The following SLC9D1 variants were observed in gnomAD, a reference collection of about 807,000 sequenced individuals.
The protein encoded by SLC9D1 is solute carrier family 9 member D1.
At chr13:113,506,093 CCTTGCCGTTA>C in the SLC9D1 span, 1 of 171,510 alleles carries the variant, frequency 5.8e-6, no homozygotes, top group Non-Finnish European at 1.3e-5. Context: ...GCTGTGTCAT[CCTTGCCGTTA>C]ATCCTGTGGA....
chr13:113,532,154 A>G, the SLC9D1 span, among the ~76,000 whole-genome samples: 1 of 152,202 alleles, frequency 6.6e-6, no homozygotes, highest in Non-Finnish European at 1.5e-5. Flanking sequence ...TCAGCAGAGG[A>G]CGTTCCCCAT....
chr13:113,519,321 C>T, the SLC9D1 span, among the ~76,000 whole-genome samples: 3 of 150,762 alleles, frequency 2.0e-5, no homozygotes, highest in African/African-American at 7.3e-5. Context: ...GCTGGGATTA[C>T]AGGCGTGAGC....
At chr13:113,537,375 C>T in the SLC9D1 span, among the ~76,000 whole-genome samples, 2 of 152,230 alleles carry the variant, frequency 1.3e-5, no homozygotes, top group African/African-American at 2.4e-5. Flanking sequence ...CCCCGTGGGC[C>T]GCTGCTTCTG....
the SLC9D1 span, among the ~76,000 whole-genome samples, chr13:113,496,579 A>G: frequency 6.6e-6 from 1 of 152,244 alleles, no homozygotes; most frequent in Non-Finnish European, 1.5e-5. Flanking sequence ...TTAGCTGTTT[A>G]CATTTTTTAA....
chr13:113,497,598 A>AGACCTGCAGCTGTGTGT, the SLC9D1 span, among the ~76,000 whole-genome samples: 1 of 146,536 alleles, frequency 6.8e-6, no homozygotes. Flanking sequence ...CAGCTGTGTG[A>AGACCTGCAGCTGTGTGT]GACCTACAGC....
chr13:113,539,310 TG>T, the SLC9D1 span: 2 of 1,593,580 alleles, frequency 1.3e-6, no homozygotes, highest in Non-Finnish European at 1.7e-6. This position sits in a 1 kb window ranked among gnomAD's most constrained non-coding sequence, Gnocchi z 4.8. Flanking sequence ...GGGGTGACCC[TG>T]GTGCACTGTG....
At chr13:113,505,213 C>G in the SLC9D1 span, 2 of 151,992 alleles carry the variant, frequency 1.3e-5, no homozygotes, top group Non-Finnish European at 2.9e-5. Context: ...AGTCCTTTGT[C>G]GGATGTATAG....
At chr13:113,525,808 C>T in the SLC9D1 span, among the ~76,000 whole-genome samples, 159 of 148,936 alleles carry the variant, frequency 1.1e-3, 1 homozygote, top group African/African-American at 3.6e-3. Context: ...AACAAGCCAT[C>T]GTCGTCGTAG....
the SLC9D1 span, among the ~76,000 whole-genome samples, chr13:113,503,207 C>A: frequency 1.3e-5 from 2 of 152,292 alleles, no homozygotes; most frequent in East Asian, 1.9e-4. Context: ...ACACATACAA[C>A]TGGATGCTGT....
At chr13:113,534,342 A>G in the SLC9D1 span, 21 of 981,288 alleles carry the variant, frequency 2.1e-5, no homozygotes, top group East Asian at 5.1e-5. Flanking sequence ...TAATGGTTAA[A>G]ATATTTGAAA....
chr13:113,543,992 G>A, the SLC9D1 span, among the ~76,000 whole-genome samples: 1 of 152,244 alleles, frequency 6.6e-6, no homozygotes, highest in Non-Finnish European at 1.5e-5. Context: ...TTGTTCTGGA[G>A]TCCAGGCAGC....
At chr13:113,517,627 T>C in the SLC9D1 span, among the ~76,000 whole-genome samples, 1 of 152,108 alleles carries the variant, frequency 6.6e-6, no homozygotes, top group Non-Finnish European at 1.5e-5. Flanking sequence ...TGCATCAACA[T>C]GGATAATTTG....
At chr13:113,531,071 C>T in the SLC9D1 span, among the ~76,000 whole-genome samples, 1 of 152,216 alleles carries the variant, frequency 6.6e-6, no homozygotes, top group South Asian at 2.1e-4. Flanking sequence ...TAGTGGGAGG[C>T]ACCCGGCTCC....
the SLC9D1 span, among the ~76,000 whole-genome samples, chr13:113,519,681 A>G: frequency 7.1e-6 from 1 of 140,890 alleles, no homozygotes; most frequent in East Asian, 2.0e-4. Flanking sequence ...TTGGACACCA[A>G]GTCTGTGTTG....
At chr13:113,519,012 A>T in the SLC9D1 span, among the ~76,000 whole-genome samples, 2 of 149,374 alleles carry the variant, frequency 1.3e-5, no homozygotes, top group African/African-American at 4.9e-5. Flanking sequence ...TTTCTATCAG[A>T]TTGGTCTTTT....
the SLC9D1 span, chr13:113,530,397 A>T: frequency 2.6e-5 from 4 of 152,164 alleles, no homozygotes; most frequent in African/African-American, 9.7e-5. Context: ...AAAAATATAT[A>T]CGATATTTTA....
the SLC9D1 span, among the ~76,000 whole-genome samples, chr13:113,525,112 A>G: frequency 1.3e-5 from 2 of 152,184 alleles, no homozygotes; most frequent in Non-Finnish European, 2.9e-5. Flanking sequence ...TTACCACTTC[A>G]TGTGAAATGT....
the SLC9D1 span, chr13:113,530,410 T>C: frequency 6.6e-6 from 1 of 152,206 alleles, no homozygotes; most frequent in African/African-American, 2.4e-5. Flanking sequence ...ATATTTTAAT[T>C]AGACATAGAA....
At chr13:113,515,041 C>T in the SLC9D1 span, among the ~76,000 whole-genome samples, 1 of 152,190 alleles carries the variant, frequency 6.6e-6, no homozygotes, top group East Asian at 1.9e-4. Context: ...TTAACCTGAT[C>T]TACCATTGGC....
Sources: allele counts gnomAD v4.1 joint callset (sites outside exome capture counted in the v4.1 genomes callset), GRCh38; gene constraint gnomAD v4.1.1; non-coding constraint Gnocchi (gnomAD v3.1); transcripts MANE v1.5; gene names NCBI Gene and HGNC (gene_info 2026-07-23, HGNC 2026-07-21).